PARD3B: variants seen among roughly 807,000 people sequenced by gnomAD.
PARD3B encodes the protein par-3 family cell polarity regulator beta, also known as partitioning defective 3 homolog B.
In PARD3B, 103 loss-of-function variants were observed where a neutral mutation model predicts 130.2. The ratio of observed to expected loss-of-function variants is 0.79; its 90% confidence interval spans 0.67 to 0.93. The LOEUF is 0.93. PARD3B is among the 40% of genes least tolerant of loss of function. The pLI, the probability that PARD3B is intolerant of heterozygous loss-of-function variation, is 0.00. For synonymous variants in PARD3B, 583 were observed against 553.2 expected (o/e 1.05, Z -0.76); for missense variants, 1,609 against 1,499.2 (o/e 1.07, Z -1.21).
At chr2:205,070,553 CG>C (rs1484124415) in intron 4 of PARD3B, among the ~76,000 whole-genome samples, 1 of 151,954 alleles carries the variant, frequency 6.6e-6, no homozygotes, top group African/African-American at 2.4e-5. Context: ...AGCTGAAAGT[CG>C]TACTAAAGCC....
rs139593006 is a variant in PARD3B, at chr2:204,994,666, T to C, written c.394+29343T>C. Among the ~76,000 whole-genome samples, 1,381 of 151,984 alleles carry C rather than the reference T, an allele frequency of 9.1e-3. 20 individuals carry two copies. The highest frequency in any genetic ancestry group is 0.031 in the African/African-American group (1,293 of 41,396). ...CTCTGTATCTCGTTGATCTGTCTAA[T>C]GTTGACAGTGGGGTGTTAAAGTCTC... On this transcript the variant is annotated intron_variant, in intron 3 of 22. Coordinates refer to ENST00000406610, the MANE Select transcript of PARD3B (RefSeq NM_001302769.2).
intron 19 of PARD3B, among the ~76,000 whole-genome samples, chr2:205,425,567 A>C (rs1011484054): frequency 1.3e-4 from 19 of 151,774 alleles, no homozygotes; most frequent in African/African-American, 4.1e-4. Context: ...AAAAAAAAAA[A>C]ACAACAACAT....
At chr2:205,603,201 T>A (rs966257035) in intron 22 of PARD3B, among the ~76,000 whole-genome samples, 1 of 152,198 alleles carries the variant, frequency 6.6e-6, no homozygotes, top group Non-Finnish European at 1.5e-5. Flanking sequence ...GAGTTCTAAG[T>A]TGGTTGTGCT....
At chr2:204,877,159 C>G (rs941767434) in intron 2 of PARD3B, among the ~76,000 whole-genome samples, 4 of 151,998 alleles carry the variant, frequency 2.6e-5, no homozygotes, top group Non-Finnish European at 4.4e-5. Context: ...AACCGAACAC[C>G]GCATGTTCTC....
intron 20 of PARD3B, among the ~76,000 whole-genome samples, chr2:205,484,139 T>C (rs2049348742): frequency 6.6e-6 from 1 of 152,198 alleles, no homozygotes; most frequent in Non-Finnish European, 1.5e-5. Flanking sequence ...CAAAAGCTCC[T>C]TTTATTAGTT....
intron 3 of PARD3B, among the ~76,000 whole-genome samples, chr2:204,998,414 A>T (rs1481318925): frequency 2.2e-5 from 1 of 46,124 alleles, no homozygotes; most frequent in Non-Finnish European, 4.3e-5. Flanking sequence ...GTGTATATAT[A>T]TGTATATATG....
intron 22 of PARD3B, among the ~76,000 whole-genome samples, chr2:205,607,831 T>TACAC (rs776583001): frequency 0.14 from 16,249 of 115,562 alleles, 1,176 homozygotes; most frequent in Admixed American, 0.19. Context: ...CCAACACCCA[T>TACAC]ACACACACAC....
intron 1 of PARD3B, among the ~76,000 whole-genome samples, chr2:204,630,627 T>C (rs1042942903): frequency 6.6e-6 from 1 of 152,172 alleles, no homozygotes; most frequent in Non-Finnish European, 1.5e-5. Context: ...TAAAATGGAT[T>C]CTATTTAATT....
At position 205,401,138 on chromosome 2, in the gene PARD3B, C is replaced by T. The variant is rs371776970; in HGVS notation, c.2741+15C>T. On this transcript the variant is annotated intron_variant, in intron 19 of 22. Coordinates refer to ENST00000406610, the MANE Select transcript of PARD3B (RefSeq NM_001302769.2). ...GAGCGTGAAAGGTGAGCAGAAGTGCCGAGACCTTCATTTTCTTTGACTCTA... is the reference window on the plus strand; with the variant it reads ...GAGCGTGAAAGGTGAGCAGAAGTGCTGAGACCTTCATTTTCTTTGACTCTA... 12 of 1,552,760 alleles carry T rather than the reference C, an allele frequency of 7.7e-6. No individual in the cohort carries two copies. Among genetic ancestry groups the T allele is most frequent in the African/African-American group, 1.4e-5 (1 of 73,848 alleles).
At chr2:205,282,522 T>TAC (rs1200267672) in intron 16 of PARD3B, among the ~76,000 whole-genome samples, 1 of 134,530 alleles carries the variant, frequency 7.4e-6, no homozygotes, top group Non-Finnish European at 1.7e-5. Flanking sequence ...TATATATATG[T>TAC]ACACACACAC....
At chr2:205,181,138 G>A (rs960911252) in intron 13 of PARD3B, among the ~76,000 whole-genome samples, 3 of 152,162 alleles carry the variant, frequency 2.0e-5, no homozygotes, top group South Asian at 2.1e-4. Context: ...TCACCCACTG[G>A]GTTAGGCCTT....
At chr2:205,569,752 A>ATG (rs946905284) in intron 22 of PARD3B, among the ~76,000 whole-genome samples, 3 of 152,174 alleles carry the variant, frequency 2.0e-5, no homozygotes, top group Non-Finnish European at 4.4e-5. Flanking sequence ...TGTTCTTGGA[A>ATG]TGTGATACAA....
rs2047070041 is a variant in PARD3B, at chr2:204,907,230, T to G, written c.223-57922T>G. Among the ~76,000 whole-genome samples the G allele has an allele frequency of 6.6e-6, 1 of 152,132 alleles. No homozygotes were observed. Among genetic ancestry groups the G allele is most frequent in the African/African-American group, 2.4e-5 (1 of 41,424 alleles). ...CTTCTGACCTTGTTATCCACCCACC[T>G]CGGCCTCCCAAAGTGCTGGGATTAC... On this transcript the variant is annotated intron_variant, in intron 2 of 22. Coordinates refer to ENST00000406610, the MANE Select transcript of PARD3B (RefSeq NM_001302769.2). This position sits in a 1 kb window ranked among gnomAD's most constrained non-coding sequence, Gnocchi z 5.7.
At chr2:204,652,092 A>G (rs1035873053) in intron 1 of PARD3B, among the ~76,000 whole-genome samples, 1 of 152,136 alleles carries the variant, frequency 6.6e-6, no homozygotes, top group African/African-American at 2.4e-5. Flanking sequence ...TGCTCTGGAG[A>G]CATTTTCCCC....
At chr2:204,739,033 A>G (rs879491188) in intron 2 of PARD3B, among the ~76,000 whole-genome samples, 1 of 152,158 alleles carries the variant, frequency 6.6e-6, no homozygotes, top group Non-Finnish European at 1.5e-5. Context: ...GATTCTGCCT[A>G]AGAGTTTCTA....
chr2:205,090,915 C>A (rs192486877), intron 4 of PARD3B, among the ~76,000 whole-genome samples: 1 of 152,298 alleles, frequency 6.6e-6, no homozygotes, highest in African/African-American at 2.4e-5. Context: ...CAATTTCATC[C>A]TCTACCAGTT....
intron 4 of PARD3B, among the ~76,000 whole-genome samples, chr2:205,074,911 A>C (rs752492128): frequency 2.6e-5 from 4 of 152,208 alleles, no homozygotes; most frequent in Non-Finnish European, 1.5e-5. Context: ...AAATGATCCA[A>C]TATCAGTTTA....
chr2:205,553,262 T>G, intron 21 of PARD3B, 62 bp from the exon 22 acceptor site: 1 of 1,475,970 alleles, frequency 6.8e-7, no homozygotes, highest in Non-Finnish European at 9.4e-7. Context: ...AATTTCGAGA[T>G]GCATTGTCAG....
intron 2 of PARD3B, among the ~76,000 whole-genome samples, chr2:204,833,414 G>A (rs1047114509): frequency 3.9e-5 from 6 of 151,974 alleles, no homozygotes; most frequent in African/African-American, 1.5e-4. Context: ...TATTGGTGGT[G>A]GTTTAATTTA....
Sources: allele counts gnomAD v4.1 joint callset (sites outside exome capture counted in the v4.1 genomes callset), GRCh38; gene constraint gnomAD v4.1.1; non-coding constraint Gnocchi (gnomAD v3.1); transcripts MANE v1.5; gene names NCBI Gene and HGNC (gene_info 2026-07-23, HGNC 2026-07-21).